CADM1: variants seen among roughly 807,000 people sequenced by gnomAD.
CADM1 encodes the protein TSLC-1.
CADM1 carries 15 observed loss-of-function variants against 53.1 expected under a neutral mutation model. That is an observed-to-expected ratio of 0.28 (90% CI 0.19 to 0.44). The LOEUF (loss-of-function observed/expected upper bound fraction) is 0.44, where lower values mean the gene tolerates loss of function less well. Ranked by LOEUF, CADM1 falls within the 20% of genes least tolerant of loss-of-function variation. The pLI, the probability that CADM1 is intolerant of heterozygous loss-of-function variation, is 1.00. For synonymous variants in CADM1, 281 were observed against 243.0 expected, an observed-to-expected ratio of 1.16 and a Z score of -1.45; for missense variants, 434 against 611.3, an observed-to-expected ratio of 0.71 and a Z score of 3.06.
chr11:115,494,393 G>A (rs1033026439), intron 1 of CADM1, among the ~76,000 whole-genome samples: 3 of 152,052 alleles, frequency 2.0e-5, no homozygotes, highest in Admixed American at 2.0e-4. Context: ...TTATGGGTTA[G>A]CTACAGAAAC....
chr11:115,261,297 A>G (rs1354748986), intron 1 of CADM1, among the ~76,000 whole-genome samples: 2 of 152,220 alleles, frequency 1.3e-5, no homozygotes, highest in Admixed American at 1.3e-4. Context: ...TCTCATTTCA[A>G]TTAGAGCATC....
At chr11:115,210,101 GCA>G (rs1416574994) in intron 7 of CADM1, among the ~76,000 whole-genome samples, 1 of 152,166 alleles carries the variant, frequency 6.6e-6, no homozygotes, top group East Asian at 1.9e-4. Context: ...GCGTGCCCCT[GCA>G]CACTTGCTCT....
intron 1 of CADM1, among the ~76,000 whole-genome samples, chr11:115,250,929 C>T (rs900237825): frequency 4.6e-5 from 7 of 152,104 alleles, no homozygotes; most frequent in Non-Finnish European, 8.8e-5. Flanking sequence ...GCTGAAAGGA[C>T]AATAAGCTTT....
intron 1 of CADM1, chr11:115,377,830 A>G (rs2135144537): frequency 6.6e-6 from 1 of 152,320 alleles, no homozygotes; most frequent in South Asian, 2.1e-4. Flanking sequence ...GTTGCCACTG[A>G]TTTATTAGCA....
chr11:115,273,007 A>G (rs1436124881), intron 1 of CADM1, among the ~76,000 whole-genome samples: 2 of 152,230 alleles, frequency 1.3e-5, no homozygotes, highest in African/African-American at 4.8e-5. Flanking sequence ...GAGGCCGTCA[A>G]TGTCAGGGCA....
At chr11:115,479,093 C>T (rs1430697794) in intron 1 of CADM1, among the ~76,000 whole-genome samples, 1 of 152,098 alleles carries the variant, frequency 6.6e-6, no homozygotes, top group Non-Finnish European at 1.5e-5. Flanking sequence ...ATTCACTTAG[C>T]TTTAATTCAC....
At chr11:115,293,919 G>T (rs1468898166) in intron 1 of CADM1, among the ~76,000 whole-genome samples, 2 of 152,134 alleles carry the variant, frequency 1.3e-5, no homozygotes, top group Non-Finnish European at 2.9e-5. Context: ...GTACTCTACG[G>T]TCTGAACTCA....
chr11:115,350,575 A>G (rs1215467215), intron 1 of CADM1, among the ~76,000 whole-genome samples: 1 of 151,134 alleles, frequency 6.6e-6, no homozygotes, highest in African/African-American at 2.4e-5. Context: ...TCAAATAGGA[A>G]TACACAATAA....
intron 1 of CADM1, among the ~76,000 whole-genome samples, chr11:115,257,111 A>G (rs1044045067): frequency 7.2e-5 from 11 of 152,212 alleles, no homozygotes; most frequent in Admixed American, 2.6e-4. Context: ...CATGTATAAG[A>G]TGCCAAAATC....
At chr11:115,328,202 T>C (rs1945010874) in intron 1 of CADM1, among the ~76,000 whole-genome samples, 1 of 152,026 alleles carries the variant, frequency 6.6e-6, no homozygotes. Context: ...AAAATCCAAA[T>C]TAACCTTTTG....
rs372747430 is a variant in CADM1, at chr11:115,215,976, T to A, written c.822-1196A>T. ...GTTACAATTTTTCTTTAATTACACATGGGTTTGTCATCACAACCCAGTAAA... is the reference window on the plus strand; with the variant it reads ...GTTACAATTTTTCTTTAATTACACAAGGGTTTGTCATCACAACCCAGTAAA... On this transcript the variant is annotated intron_variant, in intron 6 of 11. Coordinates refer to ENST00000331581, the MANE Select transcript of CADM1 (RefSeq NM_001301043.2). Among the ~76,000 whole-genome samples, 14 of 152,222 alleles carry A rather than the reference T, an allele frequency of 9.2e-5. 1 individual carries two copies. Among genetic ancestry groups the A allele is most frequent in the Non-Finnish European group, 1.5e-5 (1 of 68,040 alleles).
chr11:115,312,927 A>G (rs1303081534), intron 1 of CADM1, among the ~76,000 whole-genome samples: 2 of 152,144 alleles, frequency 1.3e-5, no homozygotes, highest in African/African-American at 4.8e-5. Context: ...TTCTCTAAAC[A>G]ATGTGAGCAG....
intron 1 of CADM1, among the ~76,000 whole-genome samples, chr11:115,252,392 T>C (rs1239942505): frequency 6.6e-6 from 1 of 152,240 alleles, no homozygotes; most frequent in African/African-American, 2.4e-5. Context: ...TCTTATGATC[T>C]TCCATAATCT....
chr11:115,300,185 G>A (rs1944182504), intron 1 of CADM1, among the ~76,000 whole-genome samples: 1 of 152,098 alleles, frequency 6.6e-6, no homozygotes, highest in African/African-American at 2.4e-5. Flanking sequence ...TAGCTACTCG[G>A]TGATGATGTG....
intron 1 of CADM1, among the ~76,000 whole-genome samples, chr11:115,432,535 A>G (rs138371602): frequency 6.6e-6 from 1 of 152,330 alleles, no homozygotes; most frequent in East Asian, 1.9e-4. Context: ...CTGATCAATA[A>G]GTGTTTAATG....
At chr11:115,480,497 T>C (rs1949234392) in intron 1 of CADM1, among the ~76,000 whole-genome samples, 1 of 152,120 alleles carries the variant, frequency 6.6e-6, no homozygotes, top group African/African-American at 2.4e-5. Flanking sequence ...AAAGTCCCCT[T>C]CAGCTCTAAA....
intron 1 of CADM1, among the ~76,000 whole-genome samples, chr11:115,385,359 T>A (rs2135165584): frequency 1.3e-5 from 2 of 152,238 alleles, no homozygotes; most frequent in East Asian, 1.9e-4. Flanking sequence ...ATTCCAAAGC[T>A]TTTTCTATGT....
chr11:115,380,073 C>G (rs1946536331), intron 1 of CADM1, among the ~76,000 whole-genome samples: 1 of 152,166 alleles, frequency 6.6e-6, no homozygotes, highest in Non-Finnish European at 1.5e-5. Context: ...CTAGGGTTTA[C>G]AGCCCCTTCG....
chr11:115,188,292 A>G (rs1939673976), intron 10 of CADM1, among the ~76,000 whole-genome samples: 1 of 152,230 alleles, frequency 6.6e-6, no homozygotes, highest in African/African-American at 2.4e-5. Flanking sequence ...TCCATCATCA[A>G]TAAAGTTAAC....
Sources: gnomAD v4.1 joint callset for allele counts (sites outside exome capture counted in the v4.1 genomes callset) on GRCh38, gnomAD v4.1.1 for gene constraint, MANE v1.5 for transcripts, NCBI Gene and HGNC (gene_info 2026-07-23, HGNC 2026-07-21) for gene names.